The following CCDC125 variants were observed in gnomAD, a reference collection of about 807,000 sequenced individuals.
CCDC125 encodes the protein coiled-coil domain-containing protein 125.
In CCDC125, 43 loss-of-function variants were observed where a neutral mutation model predicts 57.4. That is an observed-to-expected ratio of 0.75 (90% CI 0.59 to 0.97). The LOEUF is 0.97. Among genes scored for constraint, CCDC125 ranks in the 50% least tolerant of loss-of-function variants. The pLI is 0.00. For missense variants in CCDC125, 563 were observed against 595.7 expected, an observed-to-expected ratio of 0.95 and a Z score of 0.57; for synonymous variants, 187 against 195.2, an observed-to-expected ratio of 0.96 and a Z score of 0.35.
At chr5:69,315,256 G>A (rs1172489459) in intron 2 of CCDC125, among the ~76,000 whole-genome samples, 1 of 114,024 alleles carries the variant, frequency 8.8e-6, no homozygotes, top group Admixed American at 9.3e-5. Flanking sequence ...GCTCTGTCTC[G>A]AAAAAATAAA....
chr5:69,311,524 T>C (rs1027935703), intron 3 of CCDC125, among the ~76,000 whole-genome samples: 2 of 152,016 alleles, frequency 1.3e-5, no homozygotes, highest in African/African-American at 2.4e-5. Context: ...TGGTGGTGCA[T>C]GCCTGTAATC....
At chr5:69,330,159 C>T (rs1156440666) in intron 1 of CCDC125, among the ~76,000 whole-genome samples, 3 of 152,204 alleles carry the variant, frequency 2.0e-5, no homozygotes, top group Non-Finnish European at 1.5e-5. Flanking sequence ...TCCTCCTTCC[C>T]TGACTCATAT....
At chr5:69,304,013 C>G in intron 6 of CCDC125, 84 bp from the exon 7 acceptor site, 1 of 695,958 alleles carries the variant, frequency 1.4e-6, no homozygotes, top group South Asian at 2.1e-5. Context: ...AATTGGAACA[C>G]AAAAATCTAA....
chr5:69,299,833 A>G (rs1172475916), intron 8 of CCDC125, among the ~76,000 whole-genome samples, 179 bp downstream of exon 8: 2 of 152,204 alleles, frequency 1.3e-5, no homozygotes, highest in Non-Finnish European at 2.9e-5. Flanking sequence ...AATGTCCTGT[A>G]TGAAGGGCAT....
intron 1 of CCDC125, among the ~76,000 whole-genome samples, chr5:69,321,231 T>A (rs1759971737): frequency 6.6e-6 from 1 of 152,230 alleles, no homozygotes; most frequent in Admixed American, 6.5e-5. Context: ...GTTAATCAAC[T>A]TGATTTAATT....
At chr5:69,293,330 C>T (rs779016372) in intron 9 of CCDC125, among the ~76,000 whole-genome samples, 6 of 152,060 alleles carry the variant, frequency 3.9e-5, no homozygotes, top group Non-Finnish European at 7.4e-5. Context: ...GGCTACTGTC[C>T]AAATGTTGGC....
downstream of CCDC125, chr5:69,276,571 G>A (rs200939840): frequency 8.1e-6 from 13 of 1,613,170 alleles, no homozygotes; most frequent in Admixed American, 3.3e-5. Flanking sequence ...TTCAGTAATC[G>A]GCCAGGGCCA....
At chr5:69,305,910 G>A (rs985451330) in intron 6 of CCDC125, among the ~76,000 whole-genome samples, 2 of 152,038 alleles carry the variant, frequency 1.3e-5, no homozygotes, top group African/African-American at 4.8e-5. Context: ...CAGGGATTGG[G>A]GCCACGATAG....
intron 1 of CCDC125, among the ~76,000 whole-genome samples, chr5:69,332,141 T>A (rs1761496236): frequency 6.6e-6 from 1 of 152,256 alleles, no homozygotes; most frequent in African/African-American, 2.4e-5. Flanking sequence ...ACTTGAGCCC[T>A]CCCTGGTGAA....
At chr5:69,330,795 A>G (rs1761321263) in intron 1 of CCDC125, among the ~76,000 whole-genome samples, 1 of 152,150 alleles carries the variant, frequency 6.6e-6, no homozygotes, top group Non-Finnish European at 1.5e-5. Flanking sequence ...CATTCTTTGC[A>G]CATTAATTTC....
At chr5:69,311,657 A>G (rs2150520782) in intron 3 of CCDC125, among the ~76,000 whole-genome samples, 1 of 150,866 alleles carries the variant, frequency 6.6e-6, no homozygotes, top group East Asian at 2.0e-4. Context: ...CTCAATTAAA[A>G]AAATAAAAAA....
At chr5:69,297,128 C>G (rs1755475485) in intron 8 of CCDC125, among the ~76,000 whole-genome samples, 1 of 152,118 alleles carries the variant, frequency 6.6e-6, no homozygotes, top group South Asian at 2.1e-4. Flanking sequence ...TGCAGTGGTA[C>G]AATCTCGGCT....
At chr5:69,319,073 A>G (rs1759606069) in intron 2 of CCDC125, among the ~76,000 whole-genome samples, 1 of 151,980 alleles carries the variant, frequency 6.6e-6, no homozygotes, top group African/African-American at 2.4e-5. Flanking sequence ...GACTACAAGC[A>G]CGTGCCACCA....
chr5:69,295,377 C>T (rs558939431), intron 8 of CCDC125, among the ~76,000 whole-genome samples: 1 of 152,176 alleles, frequency 6.6e-6, no homozygotes, highest in African/African-American at 2.4e-5. Flanking sequence ...AAACAGTCAT[C>T]CCTCCACTCC....
intron 4 of CCDC125, chr5:69,310,007 G>A (rs2150506139): frequency 6.6e-6 from 1 of 152,294 alleles, no homozygotes. Context: ...CATTTGGAAT[G>A]GCTATATACC....
intron 2 of CCDC125, among the ~76,000 whole-genome samples, chr5:69,314,766 T>G (rs909168532): frequency 2.0e-5 from 3 of 152,024 alleles, no homozygotes; most frequent in African/African-American, 7.3e-5. Context: ...ACTGTACCAC[T>G]ATACTCCAGC....
At position 69,329,793 on chromosome 5, in the gene CCDC125, G is replaced by A. The variant is rs565226909; in HGVS notation, c.-41+2856C>T. On this transcript the variant is annotated intron_variant, in intron 1 of 11. Transcript: ENST00000396496. ...GCTGGGATTACAGGCATGAGCCACC[G>A]AGCCCAGCTCGGATGTATTTTTTTC... Among the ~76,000 whole-genome samples, 507 of 152,202 alleles carry A rather than the reference G, an allele frequency of 3.3e-3. 2 individuals carry two copies. Among genetic ancestry groups the A allele is most frequent in the Non-Finnish European group, 4.9e-3 (335 of 68,004 alleles).
At chr5:69,306,190 G>A (rs1262800088) in intron 6 of CCDC125, among the ~76,000 whole-genome samples, 1 of 151,354 alleles carries the variant, frequency 6.6e-6, no homozygotes, top group Non-Finnish European at 1.5e-5. Context: ...GGCTCCCAAA[G>A]TGCTGAAATT....
At chr5:69,290,694 A>G (rs1223484926) in intron 10 of CCDC125, among the ~76,000 whole-genome samples, 3 of 145,382 alleles carry the variant, frequency 2.1e-5, no homozygotes, top group African/African-American at 7.8e-5. Context: ...CAGTAGTGCA[A>G]TCTTGGCTCA....
Sources: gnomAD v4.1 joint callset for allele counts (sites outside exome capture counted in the v4.1 genomes callset) on GRCh38, gnomAD v4.1.1 for gene constraint, MANE v1.5 for transcripts, NCBI Gene and HGNC (gene_info 2026-07-23, HGNC 2026-07-21) for gene names.